Variants in ASPH observed in about 807,000 individuals in gnomAD.
The protein encoded by ASPH is aspartate beta-hydroxylase.
A neutral mutation model predicts 118.4 loss-of-function variants in ASPH; 100 were observed. The observed-to-expected ratio is 0.84, with a 90% CI of 0.72 to 1.00. The LOEUF (loss-of-function observed/expected upper bound fraction) is 1.00, where lower values mean the gene tolerates loss of function less well. Among genes scored for constraint, ASPH ranks in the 50% least tolerant of loss-of-function variants. The pLI is 0.00. For synonymous variants in ASPH, 315 were observed against 325.6 expected (o/e 0.97, Z 0.35); for missense variants, 920 against 919.5 (o/e 1.00, Z -0.01).
intron 1 of ASPH, among the ~76,000 whole-genome samples, chr8:61,685,242 T>C (rs1829985990): frequency 6.6e-6 from 1 of 152,162 alleles, no homozygotes; most frequent in Non-Finnish European, 1.5e-5. Flanking sequence ...TGGTTTCCCC[T>C]GGACTCAAAG....
At chr8:61,627,417 T>C (rs1853415500) in intron 13 of ASPH, among the ~76,000 whole-genome samples, 1 of 152,196 alleles carries the variant, frequency 6.6e-6, no homozygotes, top group Non-Finnish European at 1.5e-5. Flanking sequence ...TGGTTACCTC[T>C]GGTTGGGGTA....
chr8:61,641,960 CT>C (rs1805334363), intron 10 of ASPH, among the ~76,000 whole-genome samples: 1 of 152,194 alleles, frequency 6.6e-6, no homozygotes, highest in South Asian at 2.1e-4. Context: ...TCTATTACTT[CT>C]TAGCCATACA....
At position 61,565,091 on chromosome 8, in the gene ASPH, T is replaced by C. The variant is rs953172786; in HGVS notation, c.1300+2077A>G. 5.3e-5 allele frequency among the ~76,000 whole-genome samples: 8 copies of C among 152,228 alleles called. No homozygotes were observed. In the East Asian group the frequency reaches 1.5e-3, roughly 29 times the overall value. On this transcript the variant is annotated intron_variant, in intron 17 of 24. Coordinates refer to ENST00000379454, the MANE Select transcript of ASPH (RefSeq NM_004318.4). ...CTGGGTCAGTCCAGAGGATGGTATATGATGTTCTATATTATGTATGCTACT... is the reference window on the plus strand; with the variant it reads ...CTGGGTCAGTCCAGAGGATGGTATACGATGTTCTATATTATGTATGCTACT...
At chr8:61,699,040 A>G (rs1834614560) in intron 1 of ASPH, among the ~76,000 whole-genome samples, 1 of 152,254 alleles carries the variant, frequency 6.6e-6, no homozygotes, top group African/African-American at 2.4e-5. Flanking sequence ...TGGCCACTGG[A>G]CAGCCTAACC....
chr8:61,578,450 C>T, intron 15 of ASPH: 1 of 1,599,140 alleles, frequency 6.3e-7, no homozygotes, highest in East Asian at 2.2e-5. Context: ...GCCCCCTTGT[C>T]CTGGAGGTGG....
intron 18 of ASPH, among the ~76,000 whole-genome samples, chr8:61,557,612 C>G (rs2131315753): frequency 6.6e-6 from 1 of 152,200 alleles, no homozygotes; most frequent in East Asian, 1.9e-4. Flanking sequence ...ACCTAGTATA[C>G]TTTTATTTCT....
intron 14 of ASPH, among the ~76,000 whole-genome samples, chr8:61,585,531 C>T (rs1414521381): frequency 6.6e-6 from 1 of 152,248 alleles, no homozygotes; most frequent in Non-Finnish European, 1.5e-5. Context: ...AACACACACA[C>T]CTGTCTTGTG....
At chr8:61,714,192 C>A (rs559682940) in intron 1 of ASPH, 77 bp downstream of exon 1, 2 of 1,353,324 alleles carry the variant, frequency 1.5e-6, no homozygotes, top group South Asian at 1.7e-5. Flanking sequence ...GGGAGATGCA[C>A]CCGCAGCGTC....
intron 16 of ASPH, among the ~76,000 whole-genome samples, chr8:61,573,033 T>C (rs977966853): frequency 6.6e-6 from 1 of 152,126 alleles, no homozygotes; most frequent in African/African-American, 2.4e-5. Flanking sequence ...ACAAAATCAA[T>C]GTGCAAAAAT....
chr8:61,585,784 G>C (rs538478056), intron 14 of ASPH, among the ~76,000 whole-genome samples: 75 of 152,238 alleles, frequency 4.9e-4, no homozygotes, highest in African/African-American at 1.8e-3. Context: ...AGGAGGGAAG[G>C]CTGTGTGGTT....
intron 22 of ASPH, among the ~76,000 whole-genome samples, chr8:61,521,511 A>G (rs1057091144): frequency 2.0e-5 from 3 of 152,182 alleles, no homozygotes; most frequent in Non-Finnish European, 4.4e-5. Context: ...CCAGGACTCT[A>G]ACCTAGGATT....
chr8:61,527,033 T>C (rs1815625529), intron 21 of ASPH, among the ~76,000 whole-genome samples: 1 of 152,100 alleles, frequency 6.6e-6, no homozygotes, highest in Admixed American at 6.5e-5. Flanking sequence ...CTATGAGAAA[T>C]GGATGAAATA....
At chr8:61,678,636 G>C (rs1170548862) in intron 3 of ASPH, among the ~76,000 whole-genome samples, 2 of 151,500 alleles carry the variant, frequency 1.3e-5, no homozygotes, top group African/African-American at 4.9e-5. Flanking sequence ...GCAGATTTAA[G>C]AATCTAGAAA....
chr8:61,680,686 A>C (rs1377174489), intron 3 of ASPH: 1 of 215,472 alleles, frequency 4.6e-6, no homozygotes, highest in African/African-American at 2.3e-5. Context: ...TTCTAAGTTC[A>C]GAATAAGAAG....
At chr8:61,675,550 C>A in intron 3 of ASPH, 1 of 979,842 alleles carries the variant, frequency 1.0e-6, no homozygotes, top group Non-Finnish European at 1.2e-6. Flanking sequence ...ATCTGACAAA[C>A]CTAAACAAAT....
rs1587288676 is a variant in ASPH at position 61,567,016 on chromosome 8, T to C, written c.1300+152A>G. On this transcript the variant is annotated intron_variant, in intron 17 of 24. Coordinates refer to ENST00000379454, the MANE Select transcript of ASPH (RefSeq NM_004318.4). Reference sequence around the variant, plus strand: ...AGGATTACAATTTCAGTTTTAGAGATGGTGAGCCTAGGACAGACACATTAC... The same window carrying C: ...AGGATTACAATTTCAGTTTTAGAGACGGTGAGCCTAGGACAGACACATTAC... 3.3e-6 allele frequency: 3 copies of C among 912,862 alleles called. No homozygotes were observed. The South Asian group carries it at 6.3e-5, about 19-fold the overall frequency. The allele number at this position is 912,862 out of a possible 1,614,324, so 56.5% of individuals were successfully genotyped here. A position where few individuals can be genotyped will look rare whatever the true frequency, so the allele number is the denominator to read the frequency against.
chr8:61,650,380 A>T lies in ASPH; in HGVS notation c.490+670T>A, dbSNP rs974240784. On this transcript the variant is annotated intron_variant, in intron 5 of 24. Coordinates refer to ENST00000379454, the MANE Select transcript of ASPH (RefSeq NM_004318.4). ...TTAGGCCACCCTTGGATCACACCAA[A>T]GCATCAGGAGAATCAGGATTCCAGA... 2.0e-5 allele frequency among the ~76,000 whole-genome samples: 3 copies of T among 152,182 alleles called. No homozygotes were observed. In the East Asian group the frequency reaches 5.8e-4, roughly 29 times the overall value.
chr8:61,546,931 T>C (rs1824093312), intron 21 of ASPH, among the ~76,000 whole-genome samples: 1 of 152,234 alleles, frequency 6.6e-6, no homozygotes, highest in African/African-American at 2.4e-5. Flanking sequence ...ACTCTTCCTC[T>C]TCATCCCTGC....
intron 15 of ASPH, 151 bp from the exon 16 acceptor site, chr8:61,577,009 C>T: frequency 1.6e-6 from 1 of 631,098 alleles, no homozygotes; most frequent in East Asian, 2.9e-5. Context: ...TTAAAAAAAG[C>T]TATATTAAGG....
Sources: gnomAD v4.1 joint callset for allele counts (sites outside exome capture counted in the v4.1 genomes callset) on GRCh38, gnomAD v4.1.1 for gene constraint, MANE v1.5 for transcripts, NCBI Gene and HGNC (gene_info 2026-07-23, HGNC 2026-07-21) for gene names.